Variants in PRKCH observed in about 807,000 individuals in gnomAD.
PRKCH encodes the protein protein kinase C eta.
A neutral mutation model predicts 82.5 loss-of-function variants in PRKCH; 28 were observed. The observed-to-expected ratio is 0.34, with a 90% confidence interval of 0.25 to 0.47. The LOEUF is 0.47. PRKCH is among the 20% of genes least tolerant of loss of function. PRKCH has a pLI of 1.00. For synonymous variants in PRKCH, 322 were observed against 327.4 expected, an observed-to-expected ratio of 0.98 and a Z score of 0.18; for missense variants, 705 against 881.8, an observed-to-expected ratio of 0.80 and a Z score of 2.54.
intron 1 of PRKCH, among the ~76,000 whole-genome samples, chr14:61,347,290 A>C (rs573636575): frequency 6.6e-6 from 1 of 152,248 alleles, no homozygotes; most frequent in African/African-American, 2.4e-5. Flanking sequence ...TGTGGGGTTG[A>C]GGTATTGCAG....
At chr14:61,250,286 G>C (rs9943990) in intron 1 of PRKCH, among the ~76,000 whole-genome samples, 128,164 of 149,768 alleles carry the variant, frequency 0.86, 55,397 homozygotes, top group East Asian at 0.98. Flanking sequence ...AATAAATCTG[G>C]ACACGGATGT....
At chr14:61,515,864 A>G (rs1057157840) in intron 10 of PRKCH, among the ~76,000 whole-genome samples, 2 of 152,178 alleles carry the variant, frequency 1.3e-5, no homozygotes, top group Admixed American at 1.3e-4. Flanking sequence ...TTGTTGATGA[A>G]TAAATAATAG....
chr14:61,409,600 C>A lies in PRKCH; in HGVS notation c.427+18312C>A, dbSNP rs540023785. ...CCTGTATTCCCAGTTACTTGGGAGG[C>A]AAGAAGATTGCCTGAACCCAGAGGT... On this transcript the variant is annotated intron_variant, in intron 2 of 13. Coordinates refer to ENST00000332981, the MANE Select transcript of PRKCH (RefSeq NM_006255.5). 1.0e-4 allele frequency among the ~76,000 whole-genome samples: 15 copies of A among 143,976 alleles called. No homozygotes were observed. The South Asian group carries it at 3.3e-3, about 31-fold the overall frequency. 94.5% of individuals were successfully genotyped at this position (143,976 alleles called of 152,430 possible).
At chr14:61,547,917 C>G (rs771042383) in intron 13 of PRKCH, 31 bp downstream of exon 13, 1 of 1,605,556 alleles carries the variant, frequency 6.2e-7, no homozygotes, top group Non-Finnish European at 8.5e-7. Flanking sequence ...CAGAGACATT[C>G]CTTTCTTCAG....
At chr14:61,203,203 G>A (rs796955100) in intron 1 of PRKCH, among the ~76,000 whole-genome samples, 39 of 152,114 alleles carry the variant, frequency 2.6e-4, no homozygotes, top group African/African-American at 7.7e-4. Flanking sequence ...TGCCACTACC[G>A]CCACTTGTCA....
intron 1 of PRKCH, among the ~76,000 whole-genome samples, chr14:61,284,716 A>G (rs1457609006): frequency 6.6e-6 from 1 of 152,244 alleles, no homozygotes. Context: ...CAGTAAAATA[A>G]GAAACAAGTT....
intron 1 of PRKCH, among the ~76,000 whole-genome samples, chr14:61,256,074 G>A (rs1284596464): frequency 6.6e-6 from 1 of 152,078 alleles, no homozygotes; most frequent in Non-Finnish European, 1.5e-5. Context: ...TTGAAGGGTT[G>A]GTGACAATTT....
chr14:61,360,069 C>G (rs999985092), intron 1 of PRKCH, among the ~76,000 whole-genome samples: 1 of 152,144 alleles, frequency 6.6e-6, no homozygotes, highest in African/African-American at 2.4e-5. Flanking sequence ...TTAGAGCATG[C>G]CTGTATCTTT....
At chr14:61,283,157 A>G (rs1358012150) in intron 1 of PRKCH, among the ~76,000 whole-genome samples, 10 of 152,062 alleles carry the variant, frequency 6.6e-5, no homozygotes, top group Non-Finnish European at 1.5e-4. Context: ...GGTGTGAGCC[A>G]TCACACCAAG....
In PRKCH at chr14:61,328,748, G is replaced by A. The variant is rs185167356; in HGVS notation, c.363+6284G>A. Among the ~76,000 whole-genome samples, 319 of 152,094 alleles carry A rather than the reference G, an allele frequency of 2.1e-3. 1 individual carries two copies. The highest frequency in any genetic ancestry group is 7.3e-3 in the African/African-American group (304 of 41,484). ...TGCGTCTGTAATCCCAGCACTTTGGGAGGCCAAGGCAATAGGATCCCTTGG... is the reference window on the plus strand; with the variant it reads ...TGCGTCTGTAATCCCAGCACTTTGGAAGGCCAAGGCAATAGGATCCCTTGG... On this transcript the variant is annotated intron_variant, in intron 1 of 13. Coordinates refer to ENST00000332981, the MANE Select transcript of PRKCH (RefSeq NM_006255.5).
chr14:61,315,772 C>T (rs1268822196), intron 1 of PRKCH, among the ~76,000 whole-genome samples: 4 of 123,866 alleles, frequency 3.2e-5, no homozygotes, highest in Middle Eastern at 5.1e-3. Context: ...TTTTTTGAGA[C>T]GGAGTCGCTC....
intron 9 of PRKCH, among the ~76,000 whole-genome samples, chr14:61,479,727 C>G (rs1885883491): frequency 1.3e-5 from 2 of 152,174 alleles, no homozygotes; most frequent in South Asian, 4.1e-4. Flanking sequence ...GCCCCTTGGG[C>G]CTGGGGAAGG....
chr14:61,349,792 C>T (rs1444125010), intron 1 of PRKCH, among the ~76,000 whole-genome samples: 3 of 151,980 alleles, frequency 2.0e-5, no homozygotes, highest in South Asian at 2.1e-4. Flanking sequence ...ACCTGGGAGG[C>T]GGAGGCTGCA....
Position 61,540,975 on chromosome 14 carries a change from G to A in PRKCH, c.1762-6768G>A, listed in dbSNP as rs537697591. Among the ~76,000 whole-genome samples the A allele has an allele frequency of 2.0e-5, 3 of 152,290 alleles. No homozygotes were observed. The South Asian group carries it at 6.2e-4, about 32-fold the overall frequency. The stretch of plus-strand genomic sequence containing the variant: ...TTGTCTGTCCTTTCCACCCTACCAA[G>A]CCCCATCCCACCCCCAGTGGACTGT... On this transcript the variant is annotated intron_variant, in intron 12 of 13. Coordinates refer to ENST00000332981, the MANE Select transcript of PRKCH (RefSeq NM_006255.5).
At chr14:61,449,044 T>C (rs1294722834) in intron 4 of PRKCH, 120 bp from the exon 5 acceptor site, 1 of 820,698 alleles carries the variant, frequency 1.2e-6, no homozygotes, top group Non-Finnish European at 2.0e-6. Flanking sequence ...CACCAGCTGC[T>C]GTCAAGGGGG....
chr14:61,468,634 G>A (rs1004952181), intron 9 of PRKCH, among the ~76,000 whole-genome samples: 1 of 152,146 alleles, frequency 6.6e-6, no homozygotes, highest in Non-Finnish European at 1.5e-5. Context: ...GGACGCGACT[G>A]CCAAGATATT....
chr14:61,549,563 A>C, intron 13 of PRKCH, 122 bp from the exon 14 acceptor site: 1 of 1,055,874 alleles, frequency 9.5e-7, no homozygotes, highest in South Asian at 1.5e-5. Flanking sequence ...AACTGTAAAT[A>C]ATGCTACTGA....
At chr14:61,490,860 GTGAGCCAAAATTGCACCAC>G (rs1307399748) in intron 10 of PRKCH, among the ~76,000 whole-genome samples, 1 of 152,174 alleles carries the variant, frequency 6.6e-6, no homozygotes, top group Non-Finnish European at 1.5e-5. Flanking sequence ...GTAGGTTGCA[GTGAGCCAAAATTGCACCAC>G]TGTACTCCAA....
intron 9 of PRKCH, among the ~76,000 whole-genome samples, chr14:61,459,404 G>A (rs1282046365): frequency 6.6e-6 from 1 of 152,218 alleles, no homozygotes; most frequent in Non-Finnish European, 1.5e-5. Flanking sequence ...CACACTATGG[G>A]TCTGCTGGTG....
Sources: gnomAD v4.1 joint callset for allele counts (sites outside exome capture counted in the v4.1 genomes callset) on GRCh38, gnomAD v4.1.1 for gene constraint, MANE v1.5 for transcripts, NCBI Gene and HGNC (gene_info 2026-07-23, HGNC 2026-07-21) for gene names.